Variants in ZMAT4 observed in about 807,000 individuals in gnomAD.
The protein encoded by ZMAT4 is zinc finger matrin-type protein 4.
Under a neutral mutation model 28.7 loss-of-function variants are expected in ZMAT4, and 17 were observed. The ratio of observed to expected loss-of-function variants is 0.59; its 90% confidence interval spans 0.41 to 0.89. ZMAT4 has a LOEUF of 0.89. ZMAT4 is among the 40% of genes least tolerant of loss of function. ZMAT4 has a pLI of 0.00. For missense variants in ZMAT4, 240 were observed against 283.8 expected (o/e 0.85, Z 1.11); for synonymous variants, 117 against 109.2 (o/e 1.07, Z -0.44).
chr8:40,765,798 G>T (rs960826011), intron 3 of ZMAT4, among the ~76,000 whole-genome samples: 2 of 152,146 alleles, frequency 1.3e-5, no homozygotes, highest in African/African-American at 4.8e-5. Context: ...TAAGCTAATT[G>T]TCAAGTGGCT....
chr8:40,778,779 C>T (rs1813706620), intron 2 of ZMAT4, among the ~76,000 whole-genome samples: 1 of 152,170 alleles, frequency 6.6e-6, no homozygotes, highest in Non-Finnish European at 1.5e-5. Flanking sequence ...CTCAAAGACC[C>T]AGATTTTAGT....
At chr8:40,697,500 T>C in intron 3 of ZMAT4, 99 bp from the exon 4 acceptor site, 1 of 1,223,190 alleles carries the variant, frequency 8.2e-7, no homozygotes, top group Admixed American at 3.9e-5. Context: ...AAATATCTAG[T>C]TTTTGTTCTG....
At chr8:40,796,254 C>T (rs1373960669) in intron 2 of ZMAT4, among the ~76,000 whole-genome samples, 2 of 152,212 alleles carry the variant, frequency 1.3e-5, no homozygotes, top group Admixed American at 6.5e-5. Context: ...GAAACCGGCC[C>T]CACCGTTGTC....
chr8:40,847,569 T>C (rs1242880561), intron 1 of ZMAT4, among the ~76,000 whole-genome samples: 1 of 152,198 alleles, frequency 6.6e-6, no homozygotes, highest in Non-Finnish European at 1.5e-5. Context: ...CTGGGAAATT[T>C]CCGCTTCTTC....
At chr8:40,808,653 T>C (rs945198912) in intron 2 of ZMAT4, 12 of 407,402 alleles carry the variant, frequency 2.9e-5, no homozygotes, top group African/African-American at 2.1e-4. Context: ...ACATTAGACA[T>C]CTTCACTCAG....
intron 3 of ZMAT4, among the ~76,000 whole-genome samples, chr8:40,761,823 A>T (rs1312674432): frequency 6.6e-6 from 1 of 152,204 alleles, no homozygotes; most frequent in Non-Finnish European, 1.5e-5. Flanking sequence ...TTTATCATGC[A>T]CCTTCACAAA....
intron 3 of ZMAT4, among the ~76,000 whole-genome samples, chr8:40,710,083 T>G (rs1280523945): frequency 6.7e-6 from 1 of 149,970 alleles, no homozygotes; most frequent in African/African-American, 2.4e-5. Context: ...CTGAGATATA[T>G]ACATATAGAT....
In ZMAT4 at chr8:40,886,286, G is replaced by T. The variant is rs899804695; in HGVS notation, c.-5+11397C>A. Among the ~76,000 whole-genome samples, 8 of 152,324 alleles carry T rather than the reference G, an allele frequency of 5.3e-5. No homozygotes were observed. The East Asian group carries it at 1.5e-3, about 29-fold the overall frequency. ...AATGCCCTGCTGGCATCCTTCTTCAGGCCCCTGGGGATCAGAAGGGGCAAA... is the reference window on the plus strand; with the variant it reads ...AATGCCCTGCTGGCATCCTTCTTCATGCCCCTGGGGATCAGAAGGGGCAAA... On this transcript the variant is annotated intron_variant, in intron 1 of 6. Transcript: ENST00000297737.
chr8:40,680,858 G>A (rs1809136208), intron 4 of ZMAT4, among the ~76,000 whole-genome samples: 1 of 151,488 alleles, frequency 6.6e-6, no homozygotes. Flanking sequence ...ATGCTTTCTA[G>A]GCTTTAGGAT....
chr8:40,609,402 T>A (rs1156950322), intron 5 of ZMAT4, among the ~76,000 whole-genome samples: 5 of 152,122 alleles, frequency 3.3e-5, no homozygotes, highest in Admixed American at 1.3e-4. Flanking sequence ...CCTGCAGACT[T>A]CAAAAGCAGG....
chr8:40,884,106 G>A (rs944954929), intron 1 of ZMAT4, among the ~76,000 whole-genome samples: 5 of 152,262 alleles, frequency 3.3e-5, no homozygotes, highest in Admixed American at 2.6e-4. Context: ...TGAGGTCCTC[G>A]CTGTCCTGTC....
chr8:40,774,540 T>C (rs2150566963), intron 2 of ZMAT4, among the ~76,000 whole-genome samples: 1 of 152,158 alleles, frequency 6.6e-6, no homozygotes, highest in African/African-American at 2.4e-5. Flanking sequence ...ATCAGAGACA[T>C]GTATTTCCAT....
At chr8:40,821,075 GGTGT>G (rs936465681) in intron 2 of ZMAT4, among the ~76,000 whole-genome samples, 4 of 150,552 alleles carry the variant, frequency 2.7e-5, no homozygotes, top group Non-Finnish European at 4.4e-5. Context: ...TTTGGGGATG[GGTGT>G]GTGTGTATGT....
chr8:40,587,504 G>A (rs531519460), intron 5 of ZMAT4, among the ~76,000 whole-genome samples: 12 of 152,154 alleles, frequency 7.9e-5, no homozygotes, highest in African/African-American at 2.2e-4. Flanking sequence ...AGAATGGCTC[G>A]GAGTAGAACA....
intron 4 of ZMAT4, 99 bp downstream of exon 4, chr8:40,697,146 C>G (rs915744482): frequency 7.2e-7 from 1 of 1,381,512 alleles, no homozygotes; most frequent in Non-Finnish European, 9.7e-7. Flanking sequence ...CCATTAGGCT[C>G]TGGTTCTGGC....
At chr8:40,721,688 G>C (rs1387029726) in intron 3 of ZMAT4, among the ~76,000 whole-genome samples, 1 of 151,694 alleles carries the variant, frequency 6.6e-6, no homozygotes, top group Non-Finnish European at 1.5e-5. Context: ...GTGTGAGATG[G>C]TATCTCATAG....
chr8:40,711,290 A>G (rs537164425), intron 3 of ZMAT4, among the ~76,000 whole-genome samples: 2 of 152,318 alleles, frequency 1.3e-5, no homozygotes, highest in South Asian at 2.1e-4. Flanking sequence ...AATTATTCCA[A>G]TTAATCAATG....
intron 3 of ZMAT4, among the ~76,000 whole-genome samples, chr8:40,698,422 A>C (rs1809989300): frequency 6.6e-6 from 1 of 152,318 alleles, no homozygotes; most frequent in Non-Finnish European, 1.5e-5. Flanking sequence ...AATGGAGGGC[A>C]GAACAGACTT....
intron 5 of ZMAT4, among the ~76,000 whole-genome samples, chr8:40,629,033 C>G (rs1452796282): frequency 7.2e-6 from 1 of 139,126 alleles, no homozygotes; most frequent in Non-Finnish European, 1.6e-5. Flanking sequence ...TGTCTTTATT[C>G]TTTGTTCATC....
Sources: allele counts gnomAD v4.1 joint callset (sites outside exome capture counted in the v4.1 genomes callset), GRCh38; gene constraint gnomAD v4.1.1; transcripts MANE v1.5; gene names NCBI Gene and HGNC (gene_info 2026-07-23, HGNC 2026-07-21).